The following CTNNA3 variants were observed in gnomAD, a reference collection of about 807,000 sequenced individuals.
CTNNA3 encodes the protein catenin alpha 3, also known as catenin alpha-3.
A neutral mutation model predicts 95.7 loss-of-function variants in CTNNA3; 76 were observed. That is an observed-to-expected ratio of 0.79 (90% CI 0.66 to 0.96). CTNNA3 has a LOEUF of 0.96. CTNNA3 is among the 40% of genes least tolerant of loss of function. CTNNA3 has a pLI of 0.00. For synonymous variants in CTNNA3, 431 were observed against 374.4 expected (o/e 1.15, Z -1.74); for missense variants, 1,191 against 1,089.8 (o/e 1.09, Z -1.31).
At position 67,389,488 on chromosome 10, in the gene CTNNA3, A is replaced by T. The variant is rs542045730; in HGVS notation, c.579+132354T>A. ...GAGACTTTAACACCCCACTGTCAAC[A>T]TTAGACAGATCAATGAGACAAAGTC... On this transcript the variant is annotated intron_variant, in intron 5 of 17. Coordinates refer to ENST00000433211, the MANE Select transcript of CTNNA3 (RefSeq NM_013266.4). Among the ~76,000 whole-genome samples the T allele has an allele frequency of 4.6e-5, 7 of 152,270 alleles. No individual in the cohort carries two copies. In the East Asian group the frequency reaches 1.4e-3, roughly 29 times the overall value.
intron 15 of CTNNA3, among the ~76,000 whole-genome samples, chr10:66,008,289 C>T (rs1269361606): frequency 6.6e-6 from 1 of 152,174 alleles, no homozygotes; most frequent in African/African-American, 2.4e-5. Context: ...CAGGAGGAAA[C>T]TCATAGAATA....
Position 67,458,811 on chromosome 10 carries a change from G to A in CTNNA3, c.579+63031C>T, listed in dbSNP as rs531548196. On this transcript the variant is annotated intron_variant, in intron 5 of 17. Coordinates refer to ENST00000433211, the MANE Select transcript of CTNNA3 (RefSeq NM_013266.4). ...CATGGAGGAAACTGCCCCCATAATC[G>A]AATCACTTCCCACCAGGTTCCTCGC... 1.2e-4 allele frequency among the ~76,000 whole-genome samples: 19 copies of A among 152,178 alleles called. No individual in the cohort carries two copies. The East Asian group carries it at 3.7e-3, about 29-fold the overall frequency.
chr10:66,760,444 T>G, intron 9 of CTNNA3, among the ~76,000 whole-genome samples: 1 of 152,102 alleles, frequency 6.6e-6, no homozygotes, highest in East Asian at 1.9e-4. Context: ...TTATCTCTAC[T>G]TGGAGTTTTT....
At chr10:66,455,339 G>A (rs2093488804) in intron 11 of CTNNA3, among the ~76,000 whole-genome samples, 1 of 152,090 alleles carries the variant, frequency 6.6e-6, no homozygotes, top group Admixed American at 6.6e-5. Flanking sequence ...CAAGTGATAT[G>A]ATCATCTACA....
At chr10:66,517,492 T>A (rs1840905038) in intron 11 of CTNNA3, among the ~76,000 whole-genome samples, 1 of 151,992 alleles carries the variant, frequency 6.6e-6, no homozygotes, top group Non-Finnish European at 1.5e-5. Context: ...CCTCTGCTCA[T>A]CCTCACTACT....
chr10:66,285,681 A>G (rs1373326056), intron 12 of CTNNA3, among the ~76,000 whole-genome samples: 8 of 151,638 alleles, frequency 5.3e-5, no homozygotes, highest in African/African-American at 1.7e-4. Context: ...TAAATTGTTA[A>G]TAAATTTTAT....
At chr10:67,633,104 C>T (rs1839199601) in intron 2 of CTNNA3, among the ~76,000 whole-genome samples, 1 of 152,122 alleles carries the variant, frequency 6.6e-6, no homozygotes, top group Admixed American at 6.5e-5. Flanking sequence ...GCACAGCTGC[C>T]TTGCCAGATT....
intron 17 of CTNNA3, among the ~76,000 whole-genome samples, chr10:65,941,868 G>A (rs915780638): frequency 6.6e-6 from 1 of 152,086 alleles, no homozygotes; most frequent in Non-Finnish European, 1.5e-5. Flanking sequence ...AAAAAATGGG[G>A]TAAAAGCAGC....
At chr10:67,617,544 T>A (rs563430582) in intron 2 of CTNNA3, among the ~76,000 whole-genome samples, 2 of 152,350 alleles carry the variant, frequency 1.3e-5, no homozygotes, top group Non-Finnish European at 2.9e-5. Flanking sequence ...TTTGCTATTG[T>A]GAATTGTGCT....
chr10:67,672,519 C>T (rs1483826183), intron 1 of CTNNA3, among the ~76,000 whole-genome samples: 1 of 152,138 alleles, frequency 6.6e-6, no homozygotes, highest in Non-Finnish European at 1.5e-5. Context: ...TTTAATCCAT[C>T]TTGAATTAAT....
At chr10:66,723,507 C>A (rs889618306) in intron 9 of CTNNA3, among the ~76,000 whole-genome samples, 1 of 152,162 alleles carries the variant, frequency 6.6e-6, no homozygotes, top group Non-Finnish European at 1.5e-5. Context: ...AAAAAAAATC[C>A]TAAATGCCAG....
At chr10:66,623,786 A>C (rs935798664) in intron 9 of CTNNA3, among the ~76,000 whole-genome samples, 1 of 152,176 alleles carries the variant, frequency 6.6e-6, no homozygotes, top group African/African-American at 2.4e-5. Flanking sequence ...TAAGATAAGT[A>C]ATATCTGTGA....
At chr10:66,762,768 T>C (rs1288435898) in intron 9 of CTNNA3, among the ~76,000 whole-genome samples, 4 of 152,052 alleles carry the variant, frequency 2.6e-5, no homozygotes, top group African/African-American at 9.7e-5. Context: ...CTTTTTACTA[T>C]CTTTTTGTAA....
intron 2 of CTNNA3, among the ~76,000 whole-genome samples, chr10:67,621,164 C>T (rs1843833212): frequency 6.6e-6 from 1 of 151,976 alleles, no homozygotes; most frequent in Non-Finnish European, 1.5e-5. Context: ...TCTGATTTAA[C>T]TGGTTTTGTG....
At chr10:66,238,208 T>C (rs2089950570) in intron 13 of CTNNA3, among the ~76,000 whole-genome samples, 1 of 152,042 alleles carries the variant, frequency 6.6e-6, no homozygotes, top group Non-Finnish European at 1.5e-5. Flanking sequence ...AACTCCTGCT[T>C]CCTTGGATCT....
intron 10 of CTNNA3, among the ~76,000 whole-genome samples, chr10:66,522,004 T>A (rs980458074): frequency 2.6e-5 from 4 of 152,202 alleles, no homozygotes; most frequent in African/African-American, 9.6e-5. Context: ...TAGTCAGAAT[T>A]GTGTAAACTG....
chr10:65,984,076 T>C (rs2078376982), intron 16 of CTNNA3, among the ~76,000 whole-genome samples: 1 of 151,360 alleles, frequency 6.6e-6, no homozygotes, highest in East Asian at 1.9e-4. Context: ...TAATTTCAAA[T>C]CTAATGTTAG....
chr10:66,083,004 A>C (rs1299268396), intron 14 of CTNNA3, among the ~76,000 whole-genome samples: 1 of 150,344 alleles, frequency 6.7e-6, no homozygotes, highest in Non-Finnish European at 1.5e-5. Context: ...GAAGAAAAAG[A>C]GTCCCTTCCC....
intron 15 of CTNNA3, among the ~76,000 whole-genome samples, chr10:66,004,792 T>A (rs1198754750): frequency 6.6e-6 from 1 of 152,214 alleles, no homozygotes; most frequent in African/African-American, 2.4e-5. Flanking sequence ...TTCTTACAGT[T>A]CCCTCTGTAA....
Sources: allele counts gnomAD v4.1 joint callset (sites outside exome capture counted in the v4.1 genomes callset), GRCh38; gene constraint gnomAD v4.1.1; transcripts MANE v1.5; gene names NCBI Gene and HGNC (gene_info 2026-07-23, HGNC 2026-07-21).